MARCHF3: variants seen among roughly 807,000 people sequenced by gnomAD.
MARCHF3 encodes membrane associated ring-CH-type finger 3, also known as E3 ubiquitin-protein ligase MARCHF3.
A neutral mutation model predicts 24.2 loss-of-function variants in MARCHF3; 13 were observed. The observed-to-expected ratio is 0.54, with a 90% CI of 0.35 to 0.85. The LOEUF is 0.85. Ranked by LOEUF, MARCHF3 falls within the 40% of genes least tolerant of loss-of-function variation. The pLI, the probability that MARCHF3 is intolerant of heterozygous loss-of-function variation, is 0.01. For missense variants in MARCHF3, 276 were observed against 325.0 expected (o/e 0.85, Z 1.16); for synonymous variants, 144 against 137.3 (o/e 1.05, Z -0.34).
chr5:126,899,257 T>C (rs1282877967), intron 3 of MARCHF3: 3 of 985,118 alleles, frequency 3.0e-6, no homozygotes, highest in East Asian at 2.3e-4. Context: ...TTCCCCCAAA[T>C]CTGCTGCACC....
chr5:126,903,559 GAAT>G (rs2126784446), intron 3 of MARCHF3, among the ~76,000 whole-genome samples: 1 of 152,012 alleles, frequency 6.6e-6, no homozygotes, highest in African/African-American at 2.4e-5. Context: ...TTACTTCAAT[GAAT>G]ATTAAAAATC....
chr5:126,991,155 C>A (rs1159560351), intron 1 of MARCHF3, among the ~76,000 whole-genome samples: 1 of 152,156 alleles, frequency 6.6e-6, no homozygotes, highest in African/African-American at 2.4e-5. Context: ...ACCCAAATGT[C>A]CATCAATGAT....
chr5:126,998,614 G>A (rs1350742694), intron 1 of MARCHF3, among the ~76,000 whole-genome samples: 1 of 152,184 alleles, frequency 6.6e-6, no homozygotes, highest in Non-Finnish European at 1.5e-5. Context: ...AGGCAGGGAG[G>A]TGGGGTAAGG....
intron 1 of MARCHF3, among the ~76,000 whole-genome samples, chr5:126,927,855 G>A (rs949811400): frequency 3.3e-5 from 5 of 152,012 alleles, no homozygotes; most frequent in African/African-American, 1.2e-4. Context: ...TTTCTTACCC[G>A]GATTCAGCCT....
intron 4 of MARCHF3, among the ~76,000 whole-genome samples, chr5:126,871,106 AGTG>A (rs901559778): frequency 1.2e-4 from 18 of 152,300 alleles, no homozygotes; most frequent in African/African-American, 4.1e-4. Flanking sequence ...TTTTCGGACT[AGTG>A]GTGGATACAA....
intron 2 of MARCHF3, among the ~76,000 whole-genome samples, chr5:126,916,854 G>A (rs986851997): frequency 1.3e-5 from 2 of 152,276 alleles, no homozygotes; most frequent in Middle Eastern, 3.4e-3. Context: ...GCAGAGGACC[G>A]AAGATAGTCA....
At chr5:126,984,821 T>G (rs1299782891) in intron 1 of MARCHF3, among the ~76,000 whole-genome samples, 1 of 152,170 alleles carries the variant, frequency 6.6e-6, no homozygotes, top group Non-Finnish European at 1.5e-5. Flanking sequence ...CCTTTAAACC[T>G]CTGGAAAACT....
chr5:126,914,534 G>T, intron 3 of MARCHF3: 1 of 275,924 alleles, frequency 3.6e-6, no homozygotes, highest in Non-Finnish European at 7.0e-6. Flanking sequence ...CTCAGGATAT[G>T]CAACCCAAAT....
intron 1 of MARCHF3, among the ~76,000 whole-genome samples, chr5:126,954,345 G>A (rs1040844918): frequency 2.0e-5 from 3 of 151,604 alleles, no homozygotes; most frequent in African/African-American, 4.8e-5. Context: ...CACCGTGCCC[G>A]GCCTAACCTC....
intron 1 of MARCHF3, among the ~76,000 whole-genome samples, chr5:127,027,230 G>A (rs1251401021): frequency 6.6e-6 from 1 of 152,090 alleles, no homozygotes. Context: ...AATTAATTGG[G>A]CAGCTCAAAA....
At chr5:126,982,852 A>G (rs1225900241) in intron 1 of MARCHF3, among the ~76,000 whole-genome samples, 1 of 152,128 alleles carries the variant, frequency 6.6e-6, no homozygotes, top group Admixed American at 6.5e-5. Context: ...CCTTGTTCTG[A>G]ATTGTTTTTG....
intron 1 of MARCHF3, among the ~76,000 whole-genome samples, chr5:126,962,930 C>T (rs7733551): frequency 0.56 from 85,539 of 151,588 alleles, 25,084 homozygotes; most frequent in East Asian, 0.79. Context: ...AACCTGTTAT[C>T]GACTCCATTT....
chr5:126,975,396 G>A (rs1012972485), intron 1 of MARCHF3, among the ~76,000 whole-genome samples: 2 of 152,130 alleles, frequency 1.3e-5, no homozygotes, highest in African/African-American at 4.8e-5. Context: ...GGTGTACAAT[G>A]AGATGTTTGA....
intron 1 of MARCHF3, among the ~76,000 whole-genome samples, chr5:126,967,653 ATTGCACTCCAGCC>A (rs1482412071): frequency 6.6e-6 from 1 of 152,186 alleles, no homozygotes; most frequent in Non-Finnish European, 1.5e-5. Context: ...AGATCCTGCC[ATTGCACTCCAGCC>A]TGGGTGACAA....
At chr5:126,958,519 T>G (rs1750525744) in intron 1 of MARCHF3, among the ~76,000 whole-genome samples, 1 of 152,202 alleles carries the variant, frequency 6.6e-6, no homozygotes, top group African/African-American at 2.4e-5. Context: ...ATCTAATTCT[T>G]CATATTCCAT....
At chr5:126,993,903 T>G (rs757515608) in intron 1 of MARCHF3, among the ~76,000 whole-genome samples, 1 of 152,226 alleles carries the variant, frequency 6.6e-6, no homozygotes, top group Admixed American at 6.5e-5. Flanking sequence ...CTTTAAGTTC[T>G]TGTGAATACT....
In MARCHF3 at chr5:126,878,390, A is replaced by G. The variant is rs1753241326; in HGVS notation, c.398T>C (p.Leu133Pro). The G allele has an allele frequency of 6.2e-7, 1 of 1,611,224 alleles. No homozygotes were observed. Among genetic ancestry groups the G allele is most frequent in the Non-Finnish European group, 8.5e-7 (1 of 1,178,632 alleles). The change falls in exon 4 of 5, where the codon CTG becomes CCG. Residue 133 changes from leucine (L) to proline (P), a missense_variant. Coordinates refer to ENST00000308660, the MANE Select transcript of MARCHF3 (RefSeq NM_178450.5). ...ERKPRPLVEW[L>P]RNPGPQHEKR... ...CTCATGCTGGGGGCCAGGGTTTCTC[A>G]GCCACTGCCAGGTAAAGGGAGACAG...
At chr5:126,970,239 C>T (rs1332409622) in intron 1 of MARCHF3, among the ~76,000 whole-genome samples, 3 of 152,096 alleles carry the variant, frequency 2.0e-5, no homozygotes, top group Non-Finnish European at 4.4e-5. Context: ...GGGCACATGC[C>T]ACCACACCTG....
chr5:126,963,475 A>G (rs1458931355), intron 1 of MARCHF3, among the ~76,000 whole-genome samples: 1 of 152,186 alleles, frequency 6.6e-6, no homozygotes, highest in Non-Finnish European at 1.5e-5. Flanking sequence ...CGTTAGTGTT[A>G]TTAAAAAATG....
Sources: allele counts gnomAD v4.1 joint callset (sites outside exome capture counted in the v4.1 genomes callset), GRCh38; gene constraint gnomAD v4.1.1; transcripts MANE v1.5; gene names NCBI Gene and HGNC (gene_info 2026-07-23, HGNC 2026-07-21).